Variants in SNCAIP observed in about 807,000 individuals in gnomAD.
SNCAIP encodes synuclein alpha interacting protein, also known as synphilin-1.
SNCAIP carries 43 observed loss-of-function variants against 86.7 expected under a neutral mutation model. The ratio of observed to expected loss-of-function variants is 0.50; its 90% CI spans 0.39 to 0.64. The LOEUF (loss-of-function observed/expected upper bound fraction) is 0.64, where lower values mean the gene tolerates loss of function less well. Among genes scored for constraint, SNCAIP ranks in the 30% least tolerant of loss-of-function variants. The pLI is 0.00. For missense variants in SNCAIP, 981 were observed against 1,103.1 expected (o/e 0.89, Z 1.57); for synonymous variants, 417 against 427.2 (o/e 0.98, Z 0.29).
chr5:122,405,813 C>T (rs1370348908), intron 3 of SNCAIP, among the ~76,000 whole-genome samples: 2 of 152,178 alleles, frequency 1.3e-5, no homozygotes, highest in Non-Finnish European at 2.9e-5. Flanking sequence ...AGGGCTGGTA[C>T]ATTCCATTCT....
chr5:122,354,328 G>A (rs1281627142), intron 1 of SNCAIP, among the ~76,000 whole-genome samples: 4 of 152,144 alleles, frequency 2.6e-5, no homozygotes, highest in Non-Finnish European at 5.9e-5. Flanking sequence ...ATTGAGTGTA[G>A]ACTAATATTC....
intron 8 of SNCAIP, among the ~76,000 whole-genome samples, chr5:122,448,986 G>A (rs1261664079): frequency 4.0e-5 from 6 of 150,816 alleles, no homozygotes; most frequent in African/African-American, 1.5e-4. Context: ...ACTGCAGTCC[G>A]GCCTGGGCAA....
At chr5:122,393,630 G>A (rs1769922411) in intron 2 of SNCAIP, among the ~76,000 whole-genome samples, 1 of 152,118 alleles carries the variant, frequency 6.6e-6, no homozygotes, top group Non-Finnish European at 1.5e-5. Flanking sequence ...CTAGCATCTA[G>A]TGGGTAGAGA....
chr5:122,422,384 C>T (rs556705456), intron 3 of SNCAIP, among the ~76,000 whole-genome samples: 2 of 152,310 alleles, frequency 1.3e-5, no homozygotes, highest in Admixed American at 6.5e-5. Context: ...TAATTTGCCA[C>T]TTCTTTTCAT....
At chr5:122,394,961 G>A (rs989137308) in intron 2 of SNCAIP, among the ~76,000 whole-genome samples, 4 of 152,102 alleles carry the variant, frequency 2.6e-5, no homozygotes, top group South Asian at 2.1e-4. Flanking sequence ...AAGGTTACAG[G>A]GCCAGGACCT....
intron 2 of SNCAIP, chr5:122,401,158 AG>A: frequency 1.3e-6 from 2 of 1,542,734 alleles, no homozygotes; most frequent in South Asian, 2.4e-5. Flanking sequence ...TACTTATAAA[AG>A]GCCATCTGTC....
At chr5:122,454,105 T>C (rs1259863862) in intron 10 of SNCAIP, among the ~76,000 whole-genome samples, 1 of 152,226 alleles carries the variant, frequency 6.6e-6, no homozygotes, top group Non-Finnish European at 1.5e-5. Flanking sequence ...TGAAAAATTA[T>C]AACATGCCAT....
chr5:122,451,078 A>G lies in SNCAIP; in HGVS notation c.2231A>G (p.Asp744Gly), dbSNP rs1210856904. The change falls in exon 10 of 11, where the codon GAT (aspartate) becomes GGT (glycine). Residue 744 changes from aspartate to glycine, a missense_variant. Asp to Gly is a moderately conservative substitution (Grantham distance 94). Transcript: ENST00000261368. ...AGCATCAAGGCCTCCAAATCCCTGG[A>G]TGGCCACAGCCCATCTCCCACCTCA... Reference protein sequence around the residue: ...PFSIKASKSLDGHSPSPTSES... With the variant: ...PFSIKASKSLGGHSPSPTSES... The G allele has an allele frequency of 3.1e-6, 5 of 1,614,170 alleles. No individual in the cohort carries two copies. The highest frequency in any genetic ancestry group is 4.2e-6 in the Non-Finnish European group (5 of 1,180,024).
intron 6 of SNCAIP, chr5:122,436,928 AGAG>A (rs1252253333): frequency 1.5e-4 from 23 of 152,212 alleles, no homozygotes; most frequent in Admixed American, 1.5e-3. Flanking sequence ...AAACTATATA[AGAG>A]GAGTTTTCAG....
chr5:122,420,850 A>G (rs1300614529), intron 3 of SNCAIP, among the ~76,000 whole-genome samples: 1 of 152,242 alleles, frequency 6.6e-6, no homozygotes, highest in Non-Finnish European at 1.5e-5. Flanking sequence ...TTGCCTTTGC[A>G]TATTTACATT....
intron 1 of SNCAIP, among the ~76,000 whole-genome samples, chr5:122,385,009 C>A (rs1003319813): frequency 6.6e-6 from 1 of 152,210 alleles, no homozygotes; most frequent in Non-Finnish European, 1.5e-5. Flanking sequence ...ACTGAAAGCA[C>A]AGACAACTGG....
chr5:122,432,524 G>A (rs1001009269), intron 6 of SNCAIP, among the ~76,000 whole-genome samples: 1 of 151,972 alleles, frequency 6.6e-6, no homozygotes, highest in African/African-American at 2.4e-5. Context: ...TAATTTTTCA[G>A]TATTTTCCAA....
At chr5:122,383,227 G>C (rs557618743) in intron 1 of SNCAIP, among the ~76,000 whole-genome samples, 2 of 152,358 alleles carry the variant, frequency 1.3e-5, no homozygotes, top group East Asian at 1.9e-4. Flanking sequence ...AGCCAGGTGC[G>C]GGATATAATC....
intron 1 of SNCAIP, among the ~76,000 whole-genome samples, chr5:122,338,700 A>G (rs1475501386): frequency 1.3e-5 from 2 of 152,226 alleles, no homozygotes; most frequent in Non-Finnish European, 2.9e-5. Context: ...GAGAATTCAC[A>G]TATAATGTAC....
chr5:122,325,372 C>G (rs985829468), intron 1 of SNCAIP, among the ~76,000 whole-genome samples: 11 of 152,058 alleles, frequency 7.2e-5, no homozygotes, highest in African/African-American at 2.7e-4. Flanking sequence ...ACCAGATCAC[C>G]TCTCCCTACT....
At chr5:122,403,663 G>T in intron 2 of SNCAIP, 130 bp from the exon 3 acceptor site, 1 of 811,624 alleles carries the variant, frequency 1.2e-6, no homozygotes, top group South Asian at 1.3e-5. Flanking sequence ...AGGGTAAAAT[G>T]AGATAAATTT....
chr5:122,430,947 A>C (rs1314218900), intron 5 of SNCAIP, among the ~76,000 whole-genome samples: 1 of 152,136 alleles, frequency 6.6e-6, no homozygotes, highest in East Asian at 1.9e-4. Flanking sequence ...AAATTGTTTA[A>C]TATTTTACTA....
intron 7 of SNCAIP, chr5:122,443,999 A>G (rs1330720390): frequency 4.5e-6 from 2 of 447,370 alleles, no homozygotes; most frequent in East Asian, 1.4e-4. Flanking sequence ...TGCTCAATCC[A>G]CAGACATGTC....
rs540294812 is a variant in SNCAIP at position 122,450,536 on chromosome 5, A to G, written c.1689A>G (p.Ser563=). 1 of 1,611,854 alleles carries G rather than the reference A, an allele frequency of 6.2e-7. No individual in the cohort carries two copies. Among genetic ancestry groups the G allele is most frequent in the Non-Finnish European group, 8.5e-7 (1 of 1,178,036 alleles). ...ATGTCCTTCATCTTCTTTTTAGTTCACCATCCTCACCTGCCTCCAGAAAGT... is the reference window on the plus strand; with the variant it reads ...ATGTCCTTCATCTTCTTTTTAGTTCGCCATCCTCACCTGCCTCCAGAAAGT... The part of the protein sequence containing the change: ...EGKSLPSSPS[S]PSSPASRKSQ... The change falls in exon 10 of 11, where the codon TCA becomes TCG. Residue 563 remains serine (S), a synonymous_variant. Coordinates refer to ENST00000261368, the MANE Select transcript of SNCAIP (RefSeq NM_005460.4).
Sources: gnomAD v4.1 joint callset for allele counts (sites outside exome capture counted in the v4.1 genomes callset) on GRCh38, gnomAD v4.1.1 for gene constraint, MANE v1.5 for transcripts, NCBI Gene and HGNC (gene_info 2026-07-23, HGNC 2026-07-21) for gene names.